The following SLC25A21 variants were observed in gnomAD, a reference collection of about 807,000 sequenced individuals.
SLC25A21 encodes solute carrier family 25 member 21.
A neutral mutation model predicts 43.8 loss-of-function variants in SLC25A21; 47 were observed. The observed-to-expected ratio is 1.07, with a 90% CI of 0.85 to 1.37. SLC25A21 has a LOEUF of 1.37. Ranked by LOEUF, SLC25A21 falls within the 40% of genes most tolerant of loss-of-function variation. SLC25A21 has a pLI of 0.00. For missense variants in SLC25A21, 352 were observed against 350.2 expected, an observed-to-expected ratio of 1.00 and a Z score of -0.04; for synonymous variants, 131 against 121.3, an observed-to-expected ratio of 1.08 and a Z score of -0.52.
At chr14:36,859,505 G>A (rs539664330) in intron 2 of SLC25A21, among the ~76,000 whole-genome samples, 88 of 152,282 alleles carry the variant, frequency 5.8e-4, no homozygotes, top group African/African-American at 1.9e-3. Context: ...AGTCTAGGGC[G>A]GAGGGTCATT....
intron 8 of SLC25A21, among the ~76,000 whole-genome samples, chr14:36,684,410 AT>A (rs1394967920): frequency 1.3e-5 from 2 of 152,308 alleles, no homozygotes; most frequent in African/African-American, 2.4e-5. Context: ...TTAGGTGGCA[AT>A]TTAATGGGAT....
chr14:36,778,080 C>T (rs1249828918), intron 3 of SLC25A21, among the ~76,000 whole-genome samples: 7 of 152,232 alleles, frequency 4.6e-5, no homozygotes, highest in Middle Eastern at 3.4e-3. Flanking sequence ...CAGGATACTC[C>T]CTCCCCTGGG....
rs1959712090 is a variant in SLC25A21 at position 36,969,934 on chromosome 14, G to C, written c.71-94930C>G. Among the ~76,000 whole-genome samples the C allele has an allele frequency of 2.6e-5, 4 of 152,208 alleles. No homozygotes were observed. In the South Asian group the frequency reaches 8.3e-4, roughly 32 times the overall value. ...TCAGGTGCCTTAGAGCCTCAGGATA[G>C]GGGAAGAGCAGAAAGGGAAGCAAGG... On this transcript the variant is annotated intron_variant, in intron 1 of 9. Coordinates refer to ENST00000331299, the MANE Select transcript of SLC25A21 (RefSeq NM_030631.4).
At chr14:36,723,149 G>A (rs1440361860) in intron 6 of SLC25A21, among the ~76,000 whole-genome samples, 1 of 152,220 alleles carries the variant, frequency 6.6e-6, no homozygotes, top group Non-Finnish European at 1.5e-5. Context: ...AGACCTATAA[G>A]ATACTAGCAA....
chr14:36,968,165 G>A (rs772456090), intron 1 of SLC25A21, among the ~76,000 whole-genome samples: 15 of 152,198 alleles, frequency 9.9e-5, no homozygotes, highest in African/African-American at 1.7e-4. Context: ...GTTTCTTAAC[G>A]TGAGGTAAAG....
chr14:37,049,841 A>C (rs1961668123), intron 1 of SLC25A21, among the ~76,000 whole-genome samples: 1 of 152,252 alleles, frequency 6.6e-6, no homozygotes, highest in Non-Finnish European at 1.5e-5. Context: ...CTTGTTTTAC[A>C]CAAAGTATTC....
intron 2 of SLC25A21, among the ~76,000 whole-genome samples, chr14:36,840,215 T>C (rs1889342992): frequency 6.6e-6 from 1 of 152,188 alleles, no homozygotes; most frequent in African/African-American, 2.4e-5. Flanking sequence ...CGAGGTTTTT[T>C]TTTTTAAACA....
intron 3 of SLC25A21, among the ~76,000 whole-genome samples, chr14:36,739,179 G>A (rs1185671647): frequency 6.6e-6 from 1 of 152,094 alleles, no homozygotes; most frequent in African/African-American, 2.4e-5. Context: ...CTGAAAACAG[G>A]TCTCTATTCC....
intron 1 of SLC25A21, among the ~76,000 whole-genome samples, chr14:37,169,604 C>CACACACACACACACACACAG (rs1242965821): frequency 7.6e-4 from 115 of 151,362 alleles, no homozygotes; most frequent in African/African-American, 2.4e-3. Context: ...CACACACACA[C>CACACACACACACACACACAG]ACAGAAGTGT....
intron 7 of SLC25A21, among the ~76,000 whole-genome samples, chr14:36,699,102 T>G (rs1279255992): frequency 1.3e-5 from 2 of 152,062 alleles, no homozygotes; most frequent in Non-Finnish European, 2.9e-5. Context: ...CAGATGGGGT[T>G]TTGGTGTAGA....
intron 1 of SLC25A21, among the ~76,000 whole-genome samples, chr14:37,109,000 T>A (rs1422958783): frequency 6.6e-6 from 1 of 152,120 alleles, no homozygotes; most frequent in Non-Finnish European, 1.5e-5. Flanking sequence ...TCACTAAGTG[T>A]ACTCATCTCT....
intron 2 of SLC25A21, among the ~76,000 whole-genome samples, chr14:36,861,136 GC>G (rs1566683616): frequency 2.0e-5 from 3 of 152,120 alleles, no homozygotes; most frequent in Non-Finnish European, 2.9e-5. Context: ...GGCTATTTTA[GC>G]CACCTCAACA....
chr14:36,803,882 G>A (rs538690510), intron 3 of SLC25A21, among the ~76,000 whole-genome samples: 1 of 152,058 alleles, frequency 6.6e-6, no homozygotes, highest in Non-Finnish European at 1.5e-5. Context: ...CTTCAGTTAG[G>A]CCAAGACTCT....
At chr14:36,740,128 C>A (rs1343295366) in intron 3 of SLC25A21, among the ~76,000 whole-genome samples, 1 of 152,122 alleles carries the variant, frequency 6.6e-6, no homozygotes, top group Admixed American at 6.5e-5. Context: ...GAACAAAGAG[C>A]CTTAAATCGA....
chr14:36,724,473 G>C (rs1884507603), intron 6 of SLC25A21, among the ~76,000 whole-genome samples: 1 of 152,212 alleles, frequency 6.6e-6, no homozygotes, highest in South Asian at 2.1e-4. Context: ...AGAAAGATCA[G>C]GTCAGCAGAT....
intron 1 of SLC25A21, among the ~76,000 whole-genome samples, chr14:37,033,053 T>C (rs1028420344): frequency 2.0e-5 from 3 of 152,216 alleles, no homozygotes; most frequent in African/African-American, 4.8e-5. Context: ...TAGATTCACA[T>C]TGTTGTGCAA....
rs1049380629 is a variant in SLC25A21, at chr14:36,711,358, C to G, written c.563G>C (p.Gly188Ala). Residue 188 changes from glycine to alanine, a missense_variant, in exon 7 of 10, where the codon GGC becomes GCC. By Grantham distance (60) the Gly-to-Ala change is moderately conservative. Coordinates refer to ENST00000331299, the MANE Select transcript of SLC25A21 (RefSeq NM_030631.4). ...CATGTTTTTGACATTGTAGTAGAAG[C>G]CAAAATAAACCATGTTGAAAACTCC... is the stretch of plus-strand genomic sequence containing the variant. ...RHGVFNMVYFGFYYNVKNMIP... is the reference protein window; with the variant it reads ...RHGVFNMVYFAFYYNVKNMIP... 3 of 1,613,948 alleles carry G rather than the reference C, an allele frequency of 1.9e-6. No homozygotes were observed. Among genetic ancestry groups the G allele is most frequent in the Middle Eastern group, 1.7e-4 (1 of 6,058 alleles).
At chr14:37,161,169 T>A (rs1963934495) in intron 1 of SLC25A21, among the ~76,000 whole-genome samples, 1 of 152,016 alleles carries the variant, frequency 6.6e-6, no homozygotes, top group Non-Finnish European at 1.5e-5. Flanking sequence ...TCCATAAATT[T>A]GCACAAATGA....
rs201446888 is a variant in SLC25A21, at chr14:36,916,947, C to T, written c.71-41943G>A. On this transcript the variant is annotated intron_variant, in intron 1 of 9. Transcript: ENST00000331299. Reference sequence around the variant, plus strand: ...TCATTCAAATCAGAAGCCTGCACTTCATCCTAGATGTCCTTGCTCTTTCAT... The same window carrying T: ...TCATTCAAATCAGAAGCCTGCACTTTATCCTAGATGTCCTTGCTCTTTCAT... Among the ~76,000 whole-genome samples, 33 of 152,236 alleles carry T rather than the reference C, an allele frequency of 2.2e-4. No individual in the cohort carries two copies. The East Asian group carries it at 4.6e-3, about 21-fold the overall frequency.
Sources: allele counts gnomAD v4.1 joint callset (sites outside exome capture counted in the v4.1 genomes callset), GRCh38; gene constraint gnomAD v4.1.1; transcripts MANE v1.5; gene names NCBI Gene and HGNC (gene_info 2026-07-23, HGNC 2026-07-21).